Variants in GALNT13 observed in about 807,000 individuals in gnomAD.
GALNT13 encodes the protein polypeptide N-acetylgalactosaminyltransferase 13.
GALNT13 carries 28 observed loss-of-function variants against 64.2 expected under a neutral mutation model. The observed-to-expected ratio is 0.44, with a 90% CI of 0.32 to 0.60. The LOEUF (loss-of-function observed/expected upper bound fraction) is 0.60, where lower values mean the gene tolerates loss of function less well. GALNT13 is among the 20% of genes least tolerant of loss of function. The probability of loss-of-function intolerance (pLI) is 0.05; values close to 1 mark genes in which losing one functional copy is unlikely to be tolerated. For synonymous variants in GALNT13, 214 were observed against 224.6 expected (o/e 0.95, Z 0.42); for missense variants, 577 against 669.8 (o/e 0.86, Z 1.53).
the GALNT13 span, among the ~76,000 whole-genome samples, chr2:153,685,677 C>G: frequency 1.3e-5 from 2 of 151,992 alleles, no homozygotes; most frequent in African/African-American, 4.8e-5. Context: ...AATTAGACCC[C>G]ATTTGTCAAT....
intron 9 of GALNT13, among the ~76,000 whole-genome samples, chr2:154,323,637 G>A (rs1457188936): frequency 6.6e-6 from 1 of 152,020 alleles, no homozygotes; most frequent in Non-Finnish European, 1.5e-5. Flanking sequence ...GTTTCTAAGT[G>A]TGCATCTTTG....
the GALNT13 span, among the ~76,000 whole-genome samples, chr2:153,164,179 A>G: frequency 4.6e-5 from 7 of 152,136 alleles, no homozygotes; most frequent in Admixed American, 4.6e-4. Flanking sequence ...AAAAATTTCT[A>G]ATAGTACTGG....
chr2:153,194,368 C>G, the GALNT13 span, among the ~76,000 whole-genome samples: 1 of 152,030 alleles, frequency 6.6e-6, no homozygotes, highest in African/African-American at 2.4e-5. Context: ...GCTGCTTTAT[C>G]TAGTCTATTG....
At chr2:153,758,238 G>C in the GALNT13 span, among the ~76,000 whole-genome samples, 1 of 150,954 alleles carries the variant, frequency 6.6e-6, no homozygotes, top group Non-Finnish European at 1.5e-5. Flanking sequence ...TGAAGAGACT[G>C]TCTTTTTTCT....
the GALNT13 span, among the ~76,000 whole-genome samples, chr2:153,796,803 A>T: frequency 6.6e-6 from 1 of 152,198 alleles, no homozygotes. Flanking sequence ...CATTTTAAAA[A>T]ATATATAATG....
In GALNT13 at chr2:153,964,428, T is replaced by G. The variant is rs6720807; in HGVS notation, c.142+19789T>G. Among the ~76,000 whole-genome samples the G allele has an allele frequency of 6.1e-3, 925 of 152,262 alleles. 28 individuals are homozygous for G. The highest frequency in any genetic ancestry group is 0.046 in the Admixed American group (709 of 15,288). ...CATGCAACTGCACTCCTGCCTAGGC[T>G]ACAGAGCAAGACTCTGTCTCAAAGC... On this transcript the variant is annotated intron_variant, in intron 3 of 12. Transcript: ENST00000392825.
the GALNT13 span, among the ~76,000 whole-genome samples, chr2:153,628,949 G>A: frequency 6.6e-6 from 1 of 152,094 alleles, no homozygotes; most frequent in Admixed American, 6.6e-5. Flanking sequence ...ACCTCTGGTA[G>A]AATTCAGCTG....
intron 11 of GALNT13, chr2:154,437,713 G>A (rs992516940): frequency 1.2e-5 from 5 of 426,240 alleles, no homozygotes; most frequent in African/African-American, 4.1e-5. Context: ...ACATTAGGCC[G>A]GCATGGTGGC....
At position 154,394,077 on chromosome 2, in the gene GALNT13, C is replaced by CAAAAAAAAAAAA. The variant is rs369267777; in HGVS notation, c.1157-1898_1157-1887dup. On this transcript the variant is annotated intron_variant, in intron 9 of 12. Coordinates refer to ENST00000392825, the MANE Select transcript of GALNT13 (RefSeq NM_052917.4). The stretch of plus-strand genomic sequence containing the variant: ...TGGGCGACAGAGCGAGACTCCGTCT[C>CAAAAAAAAAAAA]AAAAAAAAAAAAAAAAAAAAAAAAA... Among the ~76,000 whole-genome samples the CAAAAAAAAAAAA allele has an allele frequency of 3.2e-3, 103 of 31,994 alleles. 9 individuals are homozygous for CAAAAAAAAAAAA. Among genetic ancestry groups the CAAAAAAAAAAAA allele is most frequent in the Non-Finnish European group, 4.3e-3 (87 of 20,188 alleles). The allele number at this position is 31,994 out of a possible 152,430, so 21.0% of individuals were successfully genotyped here. A position where few individuals can be genotyped will look rare whatever the true frequency, so the allele number is the denominator to read the frequency against.
chr2:153,950,510 A>G (rs959481760), intron 3 of GALNT13, among the ~76,000 whole-genome samples: 1 of 152,144 alleles, frequency 6.6e-6, no homozygotes, highest in Non-Finnish European at 1.5e-5. Flanking sequence ...ATAACTTCAG[A>G]TAACAGTTGG....
intron 4 of GALNT13, among the ~76,000 whole-genome samples, chr2:154,186,880 T>G (rs1205430917): frequency 6.6e-6 from 1 of 152,112 alleles, no homozygotes. Flanking sequence ...CTATCATTGC[T>G]TCAAGTTTAT....
intron 3 of GALNT13, among the ~76,000 whole-genome samples, chr2:153,945,237 T>A (rs1047769826): frequency 2.0e-5 from 3 of 152,196 alleles, no homozygotes; most frequent in African/African-American, 4.8e-5. Context: ...TTTCAAAGAC[T>A]AAATATGAAT....
At chr2:153,831,290 T>C in the GALNT13 span, among the ~76,000 whole-genome samples, 2 of 152,158 alleles carry the variant, frequency 1.3e-5, no homozygotes, top group Admixed American at 1.3e-4. Context: ...CCCTGCTCCT[T>C]AATGCTGGAG....
chr2:154,192,526 A>G (rs951690759), intron 4 of GALNT13, among the ~76,000 whole-genome samples: 1 of 152,068 alleles, frequency 6.6e-6, no homozygotes, highest in Non-Finnish European at 1.5e-5. Context: ...ATATATATAT[A>G]TATATTTAAC....
chr2:153,951,370 C>G (rs1041165305), intron 3 of GALNT13, among the ~76,000 whole-genome samples: 1 of 152,122 alleles, frequency 6.6e-6, no homozygotes, highest in African/African-American at 2.4e-5. Context: ...TAGAGAAGAG[C>G]TATTCTTTCC....
At chr2:154,316,664 A>G (rs1694334891) in intron 9 of GALNT13, among the ~76,000 whole-genome samples, 1 of 152,152 alleles carries the variant, frequency 6.6e-6, no homozygotes, top group African/African-American at 2.4e-5. Flanking sequence ...TTGCTGCATC[A>G]TAGCATGGCA....
chr2:154,438,457 C>A, intron 11 of GALNT13, 135 bp from the exon 12 acceptor site: 1 of 570,802 alleles, frequency 1.8e-6, no homozygotes, highest in Non-Finnish European at 3.0e-6. Context: ...GATGAATTAG[C>A]TTTCTCAAGA....
At chr2:153,360,550 A>G in the GALNT13 span, among the ~76,000 whole-genome samples, 3 of 152,194 alleles carry the variant, frequency 2.0e-5, no homozygotes, top group African/African-American at 7.2e-5. Context: ...GAGGCTGGAC[A>G]GCTTGATCCC....
chr2:153,378,647 A>T, the GALNT13 span, among the ~76,000 whole-genome samples: 51 of 152,272 alleles, frequency 3.3e-4, 1 homozygote, highest in East Asian at 9.7e-3. Flanking sequence ...GAGTTAAGAA[A>T]TGTATTTTCC....
Sources: allele counts gnomAD v4.1 joint callset (sites outside exome capture counted in the v4.1 genomes callset), GRCh38; gene constraint gnomAD v4.1.1; transcripts MANE v1.5; gene names NCBI Gene and HGNC (gene_info 2026-07-23, HGNC 2026-07-21).